The following SBNO2 variants were observed in gnomAD, a reference collection of about 807,000 sequenced individuals.
SBNO2 encodes the protein strawberry notch homolog 2.
SBNO2 carries 89 observed loss-of-function variants against 146.3 expected under a neutral mutation model. The observed-to-expected ratio is 0.61, with a 90% CI of 0.51 to 0.73. SBNO2 has a LOEUF of 0.73. Ranked by LOEUF, SBNO2 falls within the 30% of genes least tolerant of loss-of-function variation. The probability of loss-of-function intolerance (pLI) is 0.00; values close to 1 mark genes in which losing one functional copy is unlikely to be tolerated. For missense variants in SBNO2, 2,092 were observed against 2,003.7 expected, an observed-to-expected ratio of 1.04 and a Z score of -0.84; for synonymous variants, 1,147 against 892.6, an observed-to-expected ratio of 1.29 and a Z score of -5.08.
intron 1 of SBNO2, among the ~76,000 whole-genome samples, chr19:1,171,101 C>T (rs2080473153): frequency 6.6e-6 from 1 of 151,940 alleles, no homozygotes; most frequent in African/African-American, 2.4e-5. Flanking sequence ...CACAGGCACA[C>T]ACAACACACA....
intron 19 of SBNO2, among the ~76,000 whole-genome samples, chr19:1,113,305 GA>G (rs941549017): frequency 5.9e-5 from 9 of 152,140 alleles, no homozygotes; most frequent in African/African-American, 2.2e-4. Flanking sequence ...CAGGCTGGGG[GA>G]TCTGGGGCTT....
chr19:1,170,055 G>A (rs1197447963), intron 1 of SBNO2, among the ~76,000 whole-genome samples: 4 of 152,198 alleles, frequency 2.6e-5, no homozygotes, highest in East Asian at 1.9e-4. Context: ...TCACATGAAC[G>A]GAGTCACGTG....
chr19:1,119,190 G>A (rs776699995), intron 13 of SBNO2, 26 bp from the exon 14 acceptor site: 2 of 1,577,082 alleles, frequency 1.3e-6, no homozygotes, highest in Admixed American at 3.5e-5. Context: ...GCCCCCGTGA[G>A]CACGGCCAGA....
At chr19:1,125,723 G>A (rs556907909) in intron 5 of SBNO2, among the ~76,000 whole-genome samples, 6 of 151,732 alleles carry the variant, frequency 4.0e-5, no homozygotes, top group South Asian at 2.1e-4. Flanking sequence ...GGAGAATCCC[G>A]CCGGGTGCGT....
chr19:1,108,235 G>A lies in SBNO2; in HGVS notation c.4086C>T (p.Ala1362=), dbSNP rs1215685915. Reference sequence around the variant, plus strand: ...TAAAGGCGTGTCAGAGAGGAGCCTGGGCGCCGGGGAAGGGTGGGCTGAACT... The same window carrying A: ...TAAAGGCGTGTCAGAGAGGAGCCTGAGCGCCGGGGAAGGGTGGGCTGAACT... ...VIQFSPPFPG[A]QAPL The change falls in exon 32 of 32, where the codon GCC becomes GCT. Residue 1362 remains alanine, a synonymous_variant. Transcript: ENST00000361757. The A allele has an allele frequency of 1.3e-6, 2 of 1,527,332 alleles. No individual in the cohort carries two copies. Among genetic ancestry groups the A allele is most frequent in the Admixed American group, 2.0e-5 (1 of 50,038 alleles). 94.6% of individuals were successfully genotyped at this position (1,527,332 alleles called of 1,614,324 possible). A position where few individuals can be genotyped will look rare whatever the true frequency, so the allele number is the denominator to read the frequency against.
intron 3 of SBNO2, 60 bp from the exon 4 acceptor site, chr19:1,147,480 C>A: frequency 1.1e-6 from 1 of 947,656 alleles, no homozygotes. Context: ...CCCTCAGTAA[C>A]ACACCTGCAC....
chr19:1,161,359 G>A (rs1223220512), intron 1 of SBNO2, among the ~76,000 whole-genome samples: 3 of 59,520 alleles, frequency 5.0e-5, no homozygotes, highest in South Asian at 8.1e-4. Context: ...TACTGGGGGC[G>A]CCTGAGTACT....
At position 1,147,814 on chromosome 19, in the gene SBNO2, G is replaced by A. The variant is rs1008069336; in HGVS notation, c.168-394C>T. Among the ~76,000 whole-genome samples, 17 of 151,976 alleles carry A rather than the reference G, an allele frequency of 1.1e-4. 1 individual carries two copies. The highest frequency in any genetic ancestry group is 5.9e-4 in the Admixed American group (9 of 15,268). ...GCCCCTTGACCCACACCTCACTCCC[G>A]CCTCGAAGGAGGAGAGCGCTACGGG... is the stretch of plus-strand genomic sequence containing the variant. On this transcript the variant is annotated intron_variant, in intron 3 of 31. Transcript: ENST00000361757.
intron 4 of SBNO2, among the ~76,000 whole-genome samples, chr19:1,141,714 C>T (rs965761036): frequency 3.9e-5 from 6 of 152,220 alleles, no homozygotes; most frequent in East Asian, 1.9e-4. Context: ...CAGACTCAAG[C>T]GATCCTCATG....
chr19:1,113,973 A>C (rs892761390), intron 18 of SBNO2, among the ~76,000 whole-genome samples: 1 of 152,218 alleles, frequency 6.6e-6, no homozygotes, highest in African/African-American at 2.4e-5. Flanking sequence ...CCCAGCCCCA[A>C]GCCCCAGCTC....
chr19:1,167,799 G>A (rs1276099958), intron 1 of SBNO2, among the ~76,000 whole-genome samples: 5 of 152,328 alleles, frequency 3.3e-5, no homozygotes, highest in East Asian at 3.9e-4. Flanking sequence ...CTCAGCCTGC[G>A]GTCAGGCCGC....
Position 1,111,586 on chromosome 19 carries a change from A to C in SBNO2, c.2729T>G (p.Leu910Arg), listed in dbSNP as rs1380838322. 6.3e-7 allele frequency: 1 copy of C among 1,594,608 alleles called. No individual in the cohort carries two copies. Among genetic ancestry groups the C allele is most frequent in the South Asian group, 1.1e-5 (1 of 87,624 alleles). ...CTCAGTCTGGCTCAGGATGGTGGTGAGGACACAGTGCAGGGCCCGGGTGCC... is the reference window on the plus strand; with the variant it reads ...CTCAGTCTGGCTCAGGATGGTGGTGCGGACACAGTGCAGGGCCCGGGTGCC... Reference protein sequence around the residue: ...KYGTRALHCVLTTILSQTENK... With the variant: ...KYGTRALHCVRTTILSQTENK... The change falls in exon 24 of 32, where the codon CTC becomes CGC. Residue 910 changes from leucine (L) to arginine (R), a missense_variant. Physicochemically the swap from Leu to Arg is moderately radical, Grantham distance 102. Transcript: ENST00000361757.
rs2080310711 is a variant in SBNO2, at chr19:1,158,235, C to A, written c.-126-3833G>T. 6.6e-6 allele frequency among the ~76,000 whole-genome samples: 1 copy of A among 152,210 alleles called. No individual in the cohort carries two copies. Among genetic ancestry groups the A allele is most frequent in the African/African-American group, 2.4e-5 (1 of 41,450 alleles). On this transcript the variant is annotated intron_variant, in intron 1 of 31. Coordinates refer to ENST00000361757, the MANE Select transcript of SBNO2 (RefSeq NM_014963.3). This position sits in a 1 kb window ranked among gnomAD's most constrained non-coding sequence, Gnocchi z 9.9. ...CCCTGAGCACCTGTCGTGTGGAGCC[C>A]CTTCGCGCGCTCCGCCCTCAGACCC...
intron 17 of SBNO2, chr19:1,115,252 T>G (rs2079817191): frequency 6.9e-6 from 1 of 145,222 alleles, no homozygotes. Flanking sequence ...TTTTTATTAA[T>G]TTTTTTGAGA....
chr19:1,123,178 T>A, intron 7 of SBNO2, 133 bp from the exon 8 acceptor site: 1 of 1,023,078 alleles, frequency 9.8e-7, no homozygotes, highest in Non-Finnish European at 1.4e-6. Context: ...CCAGGTCCCG[T>A]TGGGCGGGTC....
Position 1,110,845 on chromosome 19 carries a change from C to T in SBNO2, c.2928G>A (p.Glu976=), listed in dbSNP as rs1249520141. ...TKFLNRILGL[E]VHKQNALFQY... Reference sequence around the variant, plus strand: ...GGAACAGGGCGTTCTGCTTGTGCACCTCCAGCCCCAGGATGCGGTTCAGGA... The same window carrying T: ...GGAACAGGGCGTTCTGCTTGTGCACTTCCAGCCCCAGGATGCGGTTCAGGA... The change falls in exon 26 of 32, where the codon GAG becomes GAA. Residue 976 remains glutamate (E), a synonymous_variant. Coordinates refer to ENST00000361757, the MANE Select transcript of SBNO2 (RefSeq NM_014963.3). This position sits in a 1 kb window ranked among gnomAD's most constrained non-coding sequence, Gnocchi z 4.9. 1 of 1,613,688 alleles carries T rather than the reference C, an allele frequency of 6.2e-7. No homozygotes were observed.
At chr19:1,168,708 A>T (rs2080449369) in intron 1 of SBNO2, 1 of 152,268 alleles carries the variant, frequency 6.6e-6, no homozygotes, top group Admixed American at 6.5e-5. Flanking sequence ...CATGCAAAGG[A>T]AGACGCCTCC....
intron 4 of SBNO2, among the ~76,000 whole-genome samples, chr19:1,138,702 T>C (rs1333264591): frequency 3.7e-5 from 5 of 135,332 alleles, no homozygotes; most frequent in African/African-American, 1.4e-4. Flanking sequence ...CACGCCTCCA[T>C]CACAGACGGA....
chr19:1,123,446 G>C (rs764208182), intron 7 of SBNO2, 88 bp downstream of exon 7: 126 of 1,078,782 alleles, frequency 1.2e-4, no homozygotes, highest in Non-Finnish European at 1.7e-4. Context: ...CCCTCTGTGG[G>C]CTGTGCGGGC....
Sources: allele counts gnomAD v4.1 joint callset (sites outside exome capture counted in the v4.1 genomes callset), GRCh38; gene constraint gnomAD v4.1.1; non-coding constraint Gnocchi (gnomAD v3.1); transcripts MANE v1.5; gene names NCBI Gene and HGNC (gene_info 2026-07-23, HGNC 2026-07-21).